Variants in TMTC3 observed in about 807,000 individuals in gnomAD.
The protein encoded by TMTC3 is protein O-mannosyl-transferase TMTC3.
TMTC3 carries 52 observed loss-of-function variants against 92.2 expected under a neutral mutation model. The ratio of observed to expected loss-of-function variants is 0.56; its 90% CI spans 0.45 to 0.71. The LOEUF (loss-of-function observed/expected upper bound fraction) is 0.71. Ranked by LOEUF, TMTC3 falls within the 30% of genes least tolerant of loss-of-function variation. The pLI, the probability that TMTC3 is intolerant of heterozygous loss-of-function variation, is 0.00. For synonymous variants in TMTC3, 339 were observed against 363.3 expected (o/e 0.93, Z 0.76); for missense variants, 896 against 1,057.1 (o/e 0.85, Z 2.11).
intron 10 of TMTC3, among the ~76,000 whole-genome samples, chr12:88,179,525 T>TG (rs1402682147): frequency 6.6e-6 from 1 of 152,110 alleles, no homozygotes; most frequent in Non-Finnish European, 1.5e-5. Flanking sequence ...AAATATGAGC[T>TG]GGTAAGTATT....
chr12:88,160,020 C>T (rs1325069853), intron 4 of TMTC3, 94 bp from the exon 5 acceptor site: 4 of 753,926 alleles, frequency 5.3e-6, no homozygotes, highest in Admixed American at 2.6e-5. Flanking sequence ...AAATAGCACT[C>T]ATATGGATAT....
rs1356480528 is a variant in TMTC3, at chr12:88,199,305, A to G, written c.*3656A>G. 6.6e-6 allele frequency: 1 copy of G among 152,034 alleles called. No homozygotes were observed. The highest frequency in any genetic ancestry group is 1.5e-5 in the Non-Finnish European group (1 of 67,966). 9.4% of individuals were successfully genotyped at this position (152,034 alleles called of 1,614,324 possible). On this transcript the variant is annotated 3_prime_UTR_variant, in exon 14 of 14. Transcript: ENST00000266712. The stretch of plus-strand genomic sequence containing the variant: ...GAAATTGTTCTACCTATATGTCCTC[A>G]GTTTCTTCATCTACAAGTTGGGAAA...
chr12:88,184,822 CAT>C (rs1364114364), intron 10 of TMTC3, among the ~76,000 whole-genome samples: 1 of 152,022 alleles, frequency 6.6e-6, no homozygotes, highest in Non-Finnish European at 1.5e-5. Flanking sequence ...TACACACACA[CAT>C]ATGCATGCAC....
At chr12:88,191,710 CTGTT>C (rs34463654) in intron 12 of TMTC3, among the ~76,000 whole-genome samples, 6 of 151,404 alleles carry the variant, frequency 4.0e-5, no homozygotes, top group South Asian at 2.1e-4. Context: ...AGTCCTTTTT[CTGTT>C]TGTTTGTTTG....
intron 4 of TMTC3, among the ~76,000 whole-genome samples, chr12:88,155,883 G>A (rs1469203519): frequency 6.6e-6 from 1 of 152,140 alleles, no homozygotes; most frequent in African/African-American, 2.4e-5. Flanking sequence ...GGCTGAGGTG[G>A]GCGGATCACA....
chr12:88,144,174 C>G (rs2040842742), intron 1 of TMTC3, among the ~76,000 whole-genome samples: 1 of 152,186 alleles, frequency 6.6e-6, no homozygotes. Context: ...CACCTCCTAT[C>G]TCATCCTGTG....
chr12:88,170,702 C>T (rs1215295950), intron 7 of TMTC3, among the ~76,000 whole-genome samples: 1 of 152,144 alleles, frequency 6.6e-6, no homozygotes, highest in Non-Finnish European at 1.5e-5. Flanking sequence ...GAGTCTCAAA[C>T]TTGTGAAGCT....
intron 10 of TMTC3, among the ~76,000 whole-genome samples, chr12:88,177,786 T>C (rs1422674188): frequency 1.3e-5 from 2 of 152,158 alleles, no homozygotes; most frequent in Non-Finnish European, 2.9e-5. Flanking sequence ...CACTGTTGTT[T>C]TTTTCTAGTA....
chr12:88,167,684 G>A (rs1194545022), intron 7 of TMTC3, among the ~76,000 whole-genome samples: 1 of 152,196 alleles, frequency 6.6e-6, no homozygotes, highest in African/African-American at 2.4e-5. Context: ...AAATTTGGAT[G>A]TCTGAGATAC....
At chr12:88,193,053 G>T (rs920352375) in intron 13 of TMTC3, among the ~76,000 whole-genome samples, 2 of 151,926 alleles carry the variant, frequency 1.3e-5, no homozygotes, top group African/African-American at 4.8e-5. Context: ...TAATTCTTCT[G>T]GCATGTGTTA....
intron 8 of TMTC3, 91 bp from the exon 9 acceptor site, chr12:88,174,516 T>A: frequency 7.9e-6 from 11 of 1,397,922 alleles, no homozygotes; most frequent in Non-Finnish European, 1.1e-5. Context: ...TTTAGGAGCA[T>A]TTAAGATACT....
chr12:88,161,015 T>A (rs573987495), intron 6 of TMTC3, among the ~76,000 whole-genome samples, 164 bp downstream of exon 6: 8 of 152,244 alleles, frequency 5.3e-5, no homozygotes, highest in Admixed American at 3.9e-4. Context: ...GTACTGATAA[T>A]TTTTGACATA....
At chr12:88,154,484 A>G (rs1333743816) in intron 4 of TMTC3, 97 bp downstream of exon 4, 2 of 682,374 alleles carry the variant, frequency 2.9e-6, no homozygotes, top group South Asian at 2.5e-5. Context: ...ATTATATACC[A>G]CATTTGGGAT....
At chr12:88,191,468 A>G (rs2041441821) in intron 12 of TMTC3, among the ~76,000 whole-genome samples, 1 of 152,234 alleles carries the variant, frequency 6.6e-6, no homozygotes, top group Non-Finnish European at 1.5e-5. Flanking sequence ...ACTATAGGAA[A>G]GAGTAGTATT....
intron 13 of TMTC3, among the ~76,000 whole-genome samples, chr12:88,193,118 A>G (rs944292567): frequency 6.6e-5 from 10 of 152,264 alleles, no homozygotes; most frequent in African/African-American, 9.6e-5. Flanking sequence ...GTCATTTTAT[A>G]TACATAAACA....
At position 88,142,457 on chromosome 12, in the gene TMTC3, C is replaced by G. The variant is rs1326030369; in HGVS notation, c.-59C>G. The G allele has an allele frequency of 6.5e-6, 1 of 152,908 alleles. No individual in the cohort carries two copies. Among genetic ancestry groups the G allele is most frequent in the African/African-American group, 2.4e-5 (1 of 41,478 alleles). 9.5% of individuals were successfully genotyped at this position (152,908 alleles called of 1,614,324 possible). ...CTGGGCTGCTCTTCCTGAGGTTTTC[C>G]TAAGCCATCCCCTGGCGGAACCGCC... On this transcript the variant is annotated 5_prime_UTR_variant, in exon 1 of 14. Transcript: ENST00000266712.
rs749577318 is a variant in TMTC3, at chr12:88,166,293, G to C, written c.798-37G>C. 5 of 1,573,354 alleles carry C rather than the reference G, an allele frequency of 3.2e-6. No homozygotes were observed. In the African/African-American group the frequency reaches 6.9e-5, roughly 22 times the overall value. On this transcript the variant is annotated intron_variant, in intron 6 of 13. Transcript: ENST00000266712. ...ATGTAAATAATTCTGTACTTTAAAA[G>C]TTTTATTTGTAATCTTTTTTTTAAT...
At position 88,195,099 on chromosome 12, in the gene TMTC3, A is replaced by T; in HGVS notation, c.2195A>T (p.Tyr732Phe). ...ATTTTGGAGGAGTTACTCAGATACT[A>T]CCCTGATCATATCAAGGGCCTCATT... ...LPILEELLRY[Y>F]PDHIKGLILK... The change falls in exon 14 of 14, where the codon TAC (tyrosine) becomes TTC (phenylalanine). Residue 732 changes from tyrosine (Y) to phenylalanine (F), a missense_variant. Coordinates refer to ENST00000266712, the MANE Select transcript of TMTC3 (RefSeq NM_181783.4). 1 of 1,613,852 alleles carries T rather than the reference A, an allele frequency of 6.2e-7. No individual in the cohort carries two copies. Among genetic ancestry groups the T allele is most frequent in the Non-Finnish European group, 8.5e-7 (1 of 1,179,924 alleles).
At chr12:88,191,075 CAT>C (rs1193913962) in intron 12 of TMTC3, among the ~76,000 whole-genome samples, 4 of 152,080 alleles carry the variant, frequency 2.6e-5, no homozygotes, top group African/African-American at 9.7e-5. Flanking sequence ...TCTGGCACCA[CAT>C]GTTAAAACTT....
Sources: gnomAD v4.1 joint callset for allele counts (sites outside exome capture counted in the v4.1 genomes callset) on GRCh38, gnomAD v4.1.1 for gene constraint, MANE v1.5 for transcripts, NCBI Gene and HGNC (gene_info 2026-07-23, HGNC 2026-07-21) for gene names.